The following KCNQ1 variants were observed in gnomAD, a reference collection of about 807,000 sequenced individuals.
KCNQ1 encodes the protein potassium voltage-gated channel subfamily Q member 1.
KCNQ1 carries 49 observed loss-of-function variants against 72.4 expected under a neutral mutation model. The observed-to-expected ratio is 0.68, with a 90% CI of 0.54 to 0.86. KCNQ1 has a LOEUF of 0.86. Ranked by LOEUF, KCNQ1 falls within the 40% of genes least tolerant of loss-of-function variation. The pLI is 0.00. For synonymous variants in KCNQ1, 450 were observed against 412.6 expected (o/e 1.09, Z -1.10); for missense variants, 790 against 945.1 (o/e 0.84, Z 2.15).
intron 15 of KCNQ1, among the ~76,000 whole-genome samples, chr11:2,799,441 T>C (rs1847213793): frequency 6.6e-6 from 1 of 151,782 alleles, no homozygotes; most frequent in Admixed American, 6.6e-5. Flanking sequence ...GGACACAGTG[T>C]GTGTTGGCAT....
rs1029835969 is a variant in KCNQ1, at chr11:2,483,813, G to A, written c.386+38329G>A. 5.3e-5 allele frequency among the ~76,000 whole-genome samples: 8 copies of A among 152,228 alleles called. No homozygotes were observed. The highest frequency in any genetic ancestry group is 3.3e-4 in the Admixed American group (5 of 15,294). ...CCACTCAGGTAGGAGTGTGTCAGCTGGGCTTCTCAGCTGTAAATTAACCAT... is the reference window on the plus strand; with the variant it reads ...CCACTCAGGTAGGAGTGTGTCAGCTAGGCTTCTCAGCTGTAAATTAACCAT... On this transcript the variant is annotated intron_variant, in intron 1 of 15. Transcript: ENST00000155840. This position sits in a 1 kb window ranked among gnomAD's most constrained non-coding sequence, Gnocchi z 6.1.
At chr11:2,793,712 A>G (rs1433333287) in intron 15 of KCNQ1, among the ~76,000 whole-genome samples, 2 of 152,214 alleles carry the variant, frequency 1.3e-5, no homozygotes, top group South Asian at 2.1e-4. Flanking sequence ...CAGAAAGGAA[A>G]AAAGCAAAGG....
chr11:2,775,873 G>A lies in KCNQ1; in HGVS notation c.1591-87G>A, dbSNP rs1040489615. The A allele has an allele frequency of 4.7e-5, 63 of 1,327,358 alleles. 1 individual carries two copies. Among genetic ancestry groups the A allele is most frequent in the Middle Eastern group, 3.6e-4 (2 of 5,558 alleles). 82.2% of individuals were successfully genotyped at this position (1,327,358 alleles called of 1,614,324 possible). A position where few individuals can be genotyped will look rare whatever the true frequency, so the allele number is the denominator to read the frequency against. Reference sequence around the variant, plus strand: ...GCTCCCAGGTCTTCACAAGCCTCCCGAGGGCAGACACTGTCACTGCCTGCA... The same window carrying A: ...GCTCCCAGGTCTTCACAAGCCTCCCAAGGGCAGACACTGTCACTGCCTGCA... On this transcript the variant is annotated intron_variant, in intron 12 of 15. Transcript: ENST00000155840.
chr11:2,500,865 G>T (rs1846998249), intron 1 of KCNQ1, among the ~76,000 whole-genome samples: 1 of 81,930 alleles, frequency 1.2e-5, no homozygotes. Context: ...CACACACCGG[G>T]GTCTGTTGGG....
Position 2,815,464 on chromosome 11 carries a change from G to T in KCNQ1, c.1795-32303G>T, listed in dbSNP as rs1439119182. Among the ~76,000 whole-genome samples, 1 of 152,132 alleles carries T rather than the reference G, an allele frequency of 6.6e-6. No homozygotes were observed. Among genetic ancestry groups the T allele is most frequent in the Admixed American group, 6.5e-5 (1 of 15,276 alleles). ...TCCTGGCCCTGTGGGGTCGGAGGAG[G>T]TCCTGGGAGCCCACCTCCTGTAGAT... On this transcript the variant is annotated intron_variant, in intron 15 of 15. Coordinates refer to ENST00000155840, the MANE Select transcript of KCNQ1 (RefSeq NM_000218.3). This position sits in a 1 kb window ranked among gnomAD's most constrained non-coding sequence, Gnocchi z 5.4.
rs538694724 is a variant in KCNQ1, at chr11:2,628,310, C to T, written c.1394-33651C>T. The T allele has an allele frequency of 1.8e-5, 7 of 398,522 alleles. No individual in the cohort carries two copies. In the South Asian group the frequency reaches 7.6e-4, roughly 43 times the overall value. 24.7% of individuals were successfully genotyped at this position (398,522 alleles called of 1,614,324 possible). A position where few individuals can be genotyped will look rare whatever the true frequency, so the allele number is the denominator to read the frequency against. On this transcript the variant is annotated intron_variant, in intron 10 of 15. Coordinates refer to ENST00000155840, the MANE Select transcript of KCNQ1 (RefSeq NM_000218.3). ...CTCACCAACACTTGCTATCTTTTGA[C>T]TTTTTGATAATAGCGATTCTAACAG...
rs1039961197 is a variant in KCNQ1, at chr11:2,484,971, G to A, written c.386+39487G>A. ...GTCCAACCCCAGCTGCAAGGGAACT[G>A]GCTCCATACTTGCTGATGCGTGCCC... is the stretch of plus-strand genomic sequence containing the variant. On this transcript the variant is annotated intron_variant, in intron 1 of 15. Coordinates refer to ENST00000155840, the MANE Select transcript of KCNQ1 (RefSeq NM_000218.3). The surrounding 1 kb of genome is among the most constrained non-coding windows in gnomAD (Gnocchi z 5.2). Among the ~76,000 whole-genome samples, 1 of 152,104 alleles carries A rather than the reference G, an allele frequency of 6.6e-6. No homozygotes were observed. The highest frequency in any genetic ancestry group is 1.5e-5 in the Non-Finnish European group (1 of 68,006).
At chr11:2,573,370 G>A (rs1384610290) in intron 6 of KCNQ1, among the ~76,000 whole-genome samples, 1 of 152,162 alleles carries the variant, frequency 6.6e-6, no homozygotes, top group Non-Finnish European at 1.5e-5. Context: ...AGGGCCCAAG[G>A]AGAGCGGCGT....
chr11:2,445,217 TG>T lies in KCNQ1; in HGVS notation c.121del (p.Ala41ArgfsTer45). 8.8e-7 allele frequency: 1 copy of T among 1,136,446 alleles called. No individual in the cohort carries two copies. The highest frequency in any genetic ancestry group is 1.1e-6 in the Non-Finnish European group (1 of 923,760). The allele number at this position is 1,136,446 out of a possible 1,614,324, so 70.4% of individuals were successfully genotyped here. Reference protein sequence around the residue: ...LAKKCPFSLELAEGGPAGGAL... With the variant: ...LAKKCPFSLEXAEGGPAGGAL... The stretch of plus-strand genomic sequence containing the variant: ...AAGAAGTGCCCCTTCTCGCTGGAGC[TG>T]GCGGAGGGCGGCCCGGCGGGCGGCG... On this transcript the variant is annotated frameshift_variant, in exon 1 of 16. Transcript: ENST00000155840. LOFTEE classifies it high-confidence loss of function.
intron 10 of KCNQ1, chr11:2,646,292 A>G (rs1395332177): frequency 2.0e-5 from 8 of 398,472 alleles, no homozygotes; most frequent in Non-Finnish European, 2.2e-5. Flanking sequence ...GTATATTGCT[A>G]TAGGTAAATA....
intron 11 of KCNQ1, among the ~76,000 whole-genome samples, chr11:2,701,177 CG>C (rs1850807305): frequency 6.6e-6 from 1 of 152,180 alleles, no homozygotes; most frequent in Admixed American, 6.5e-5. Flanking sequence ...TATACGTCTA[CG>C]GGAGAGCCAG....
Position 2,664,863 on chromosome 11 carries a change from A to G in KCNQ1, c.1514+2782A>G. On this transcript the variant is annotated intron_variant, in intron 11 of 15. Coordinates refer to ENST00000155840, the MANE Select transcript of KCNQ1 (RefSeq NM_000218.3). This position sits in a 1 kb window ranked among gnomAD's most constrained non-coding sequence, Gnocchi z 5.1. Reference sequence around the variant, plus strand: ...ATTACCATGCTGGGCCAGTTCCAGAATTCAAATTAAAAACATAAATAAAGA... The same window carrying G: ...ATTACCATGCTGGGCCAGTTCCAGAGTTCAAATTAAAAACATAAATAAAGA... 1 of 398,672 alleles carries G rather than the reference A, an allele frequency of 2.5e-6. No individual in the cohort carries two copies. Among genetic ancestry groups the G allele is most frequent in the Non-Finnish European group, 4.4e-6 (1 of 226,084 alleles). The allele number at this position is 398,672 out of a possible 1,614,324, so 24.7% of individuals were successfully genotyped here.
At chr11:2,650,382 C>A (rs575348864) in intron 10 of KCNQ1, 8 of 398,464 alleles carry the variant, frequency 2.0e-5, no homozygotes, top group Non-Finnish European at 3.5e-5. Flanking sequence ...ATAACAGAGA[C>A]TTCCAATTTT....
At chr11:2,456,765 C>CAAAA (rs61437708) in intron 1 of KCNQ1, among the ~76,000 whole-genome samples, 6 of 31,982 alleles carry the variant, frequency 1.9e-4, no homozygotes, top group African/African-American at 3.6e-4. Flanking sequence ...ACTAAAAATC[C>CAAAA]AAAAAAAAAA....
At chr11:2,835,468 C>T (rs955417722) in intron 15 of KCNQ1, among the ~76,000 whole-genome samples, 3 of 152,132 alleles carry the variant, frequency 2.0e-5, no homozygotes, top group East Asian at 3.9e-4. Flanking sequence ...GTCACCCTAC[C>T]GGCAGAGCTC....
At chr11:2,740,426 T>C (rs1315800152) in intron 11 of KCNQ1, among the ~76,000 whole-genome samples, 2 of 152,170 alleles carry the variant, frequency 1.3e-5, no homozygotes, top group Non-Finnish European at 2.9e-5. Context: ...TGTTCAAAGA[T>C]ATGGAATGAG....
chr11:2,496,776 T>C (rs1480065743), intron 1 of KCNQ1, among the ~76,000 whole-genome samples: 1 of 152,000 alleles, frequency 6.6e-6, no homozygotes, highest in Non-Finnish European at 1.5e-5. Flanking sequence ...TTCTTCATAG[T>C]GTCATTGGTC....
At chr11:2,688,925 G>A in intron 11 of KCNQ1, 1 of 398,892 alleles carries the variant, frequency 2.5e-6, no homozygotes, top group East Asian at 3.6e-5. Flanking sequence ...ACACAGGCCT[G>A]TCTCACAGGC....
chr11:2,585,325 C>T lies in KCNQ1; in HGVS notation c.1128+18C>T, dbSNP rs1236155918. 3 of 1,605,994 alleles carry T rather than the reference C, an allele frequency of 1.9e-6. No individual in the cohort carries two copies. The highest frequency in any genetic ancestry group is 2.2e-5 in the East Asian group (1 of 44,842). ...TCATTCAGGTGCGGTGCCTGCAAGG[C>T]CCTGGTCACTGTCATTTTGGTCACT... On this transcript the variant is annotated intron_variant, in intron 8 of 15. Transcript: ENST00000155840.
Sources: gnomAD v4.1 joint callset for allele counts (sites outside exome capture counted in the v4.1 genomes callset) on GRCh38, gnomAD v4.1.1 for gene constraint, Gnocchi (gnomAD v3.1) non-coding constraint, MANE v1.5 for transcripts, NCBI Gene and HGNC (gene_info 2026-07-23, HGNC 2026-07-21) for gene names.